The following HEXB variants were observed in gnomAD, a reference collection of about 807,000 sequenced individuals.
HEXB encodes the protein hexosaminidase subunit beta, also known as beta-hexosaminidase subunit beta.
Under a neutral mutation model 71.2 loss-of-function variants are expected in HEXB, and 51 were observed. The ratio of observed to expected loss-of-function variants is 0.72; its 90% CI spans 0.57 to 0.90. The LOEUF (loss-of-function observed/expected upper bound fraction) is 0.90. Ranked by LOEUF, HEXB falls within the 40% of genes least tolerant of loss-of-function variation. The probability of loss-of-function intolerance (pLI) is 0.00; values close to 1 mark genes in which losing one functional copy is unlikely to be tolerated. For missense variants in HEXB, 617 were observed against 677.0 expected (o/e 0.91, Z 0.98); for synonymous variants, 266 against 249.3 (o/e 1.07, Z -0.63).
chr5:74,700,208 A>G (rs887364742), intron 5 of HEXB, among the ~76,000 whole-genome samples: 2 of 151,200 alleles, frequency 1.3e-5, no homozygotes, highest in African/African-American at 4.9e-5. Context: ...GGGTTTTGCC[A>G]TGTTGCCCAG....
chr5:74,715,506 C>A lies in HEXB; in HGVS notation c.902-4C>A. On this transcript the variant is annotated splice_polypyrimidine_tract_variant and splice_region_variant and intron_variant, in intron 7 of 13. Coordinates refer to ENST00000261416, the MANE Select transcript of HEXB (RefSeq NM_000521.4). ...TTAAAAAGAATCTTAATATTTTCTT[C>A]TAGGTCAGAAAGACCTCCTGACTCC... 6.3e-7 allele frequency: 1 copy of A among 1,594,474 alleles called. No homozygotes were observed.
At chr5:74,705,812 G>A (rs1749373766) in intron 6 of HEXB, 1 of 175,908 alleles carries the variant, frequency 5.7e-6, no homozygotes, top group Non-Finnish European at 1.2e-5. Context: ...GATCTGGGAG[G>A]GACCCTCAGT....
At chr5:74,649,854 A>C (rs1748070724) in intron 1 of HEXB, among the ~76,000 whole-genome samples, 1 of 152,248 alleles carries the variant, frequency 6.6e-6, no homozygotes, top group African/African-American at 2.4e-5. Flanking sequence ...TGTCCTAATC[A>C]AATTGCTCTT....
At chr5:74,712,856 CTT>C (rs984441221) in intron 6 of HEXB, among the ~76,000 whole-genome samples, 2 of 152,042 alleles carry the variant, frequency 1.3e-5, no homozygotes, top group African/African-American at 4.8e-5. Context: ...CAGCTCACAA[CTT>C]TAGTTACAAA....
chr5:74,678,338 A>C (rs1198742375), intron 1 of HEXB, among the ~76,000 whole-genome samples: 1 of 140,226 alleles, frequency 7.1e-6, no homozygotes, highest in Non-Finnish European at 1.6e-5. Flanking sequence ...TAAATAAATA[A>C]ATACCATGCA....
At chr5:74,705,402 T>G in intron 6 of HEXB, 82 bp downstream of exon 6, 3 of 841,884 alleles carry the variant, frequency 3.6e-6, no homozygotes, top group Non-Finnish European at 6.2e-6. Context: ...TGTTTGTTCT[T>G]ATGGATAGAA....
intron 5 of HEXB, among the ~76,000 whole-genome samples, chr5:74,697,543 TG>T (rs1206176214): frequency 6.6e-6 from 1 of 152,114 alleles, no homozygotes; most frequent in African/African-American, 2.4e-5. Context: ...CTGGCCAACA[TG>T]GCCAAACCCC....
At chr5:74,705,527 G>A (rs1388674427) in intron 6 of HEXB, 3 of 552,836 alleles carry the variant, frequency 5.4e-6, no homozygotes, top group Middle Eastern at 4.9e-4. Context: ...AATTGTTACT[G>A]TGAATATAAA....
At chr5:74,669,453 G>A (rs1561207689) in intron 1 of HEXB, among the ~76,000 whole-genome samples, 1 of 151,876 alleles carries the variant, frequency 6.6e-6, no homozygotes, top group Non-Finnish European at 1.5e-5. Context: ...AATTTTGGGA[G>A]GACTGAGATA....
chr5:74,697,597 G>A lies in HEXB; in HGVS notation c.669+491G>A, dbSNP rs557588915. Among the ~76,000 whole-genome samples, 8 of 152,016 alleles carry A rather than the reference G, an allele frequency of 5.3e-5. No homozygotes were observed. In the South Asian group the frequency reaches 1.7e-3, roughly 32 times the overall value. ...AAAAATTAGCCAGGCGTGGTAGCGT[G>A]CGCCTGTAATCCCAGCTACTAGGGA... On this transcript the variant is annotated intron_variant, in intron 5 of 13. Coordinates refer to ENST00000261416, the MANE Select transcript of HEXB (RefSeq NM_000521.4).
At chr5:74,649,299 C>T (rs1748060357) in intron 1 of HEXB, among the ~76,000 whole-genome samples, 1 of 152,210 alleles carries the variant, frequency 6.6e-6, no homozygotes, top group Non-Finnish European at 1.5e-5. Context: ...ACTGCCCCCT[C>T]TGTGCACAAT....
In HEXB at chr5:74,697,069, G is replaced by C. The variant is rs761538803; in HGVS notation, c.632G>C (p.Arg211Thr). 25 of 1,550,238 alleles carry C rather than the reference G, an allele frequency of 1.6e-5. No homozygotes were observed. The highest frequency in any genetic ancestry group is 2.0e-5 in the Non-Finnish European group (22 of 1,122,660). Reference sequence around the variant, plus strand: ...AGAGGAATTTTGATTGATACATCCAGACATTATCTGCCAGTTAAGATTATT... The same window carrying C: ...AGAGGAATTTTGATTGATACATCCACACATTATCTGCCAGTTAAGATTATT... The part of the protein sequence containing the change: ...SHRGILIDTS[R>T]HYLPVKIILK... Residue 211 changes from arginine (R) to threonine (T), a missense_variant, in exon 5 of 14, where the codon AGA becomes ACA. Transcript: ENST00000261416.
intron 11 of HEXB, 32 bp from the exon 12 acceptor site, chr5:74,720,396 C>A (rs748239524): frequency 2.1e-6 from 3 of 1,437,350 alleles, no homozygotes; most frequent in East Asian, 4.5e-5. Context: ...AAGCTTTGAA[C>A]TTCTGAACTT....
At chr5:74,643,346 AT>A (rs1280960139) in intron 1 of HEXB, among the ~76,000 whole-genome samples, 4 of 152,250 alleles carry the variant, frequency 2.6e-5, no homozygotes, top group African/African-American at 9.6e-5. Flanking sequence ...GCAAGTCTTC[AT>A]TTTGTACAGG....
chr5:74,663,041 T>C (rs1748356617), intron 1 of HEXB, among the ~76,000 whole-genome samples: 1 of 152,244 alleles, frequency 6.6e-6, no homozygotes, highest in Admixed American at 6.5e-5. Flanking sequence ...AAATAAGTAC[T>C]TTTTAAAGTA....
rs1488246899 is a variant in HEXB at position 74,689,370 on chromosome 5, A to G, written c.342A>G (p.Glu114=). The G allele has an allele frequency of 6.2e-7, 1 of 1,612,738 alleles. No individual in the cohort carries two copies. Among genetic ancestry groups the G allele is most frequent in the African/African-American group, 1.3e-5 (1 of 74,910 alleles). The stretch of plus-strand genomic sequence containing the variant: ...TTGGTTTCTACAAGTGGCATCATGA[A>G]CCTGCTGAATTCCAGGCTAAAACCC... ...YIFGFYKWHH[E]PAEFQAKTQV... The change falls in exon 2 of 14, where the codon GAA becomes GAG. Residue 114 remains glutamate, a synonymous_variant. Transcript: ENST00000261416.
rs1749648999 is a variant in HEXB at position 74,715,550 on chromosome 5, C to T, written c.942C>T (p.Asn314=). The part of the protein sequence containing the change: ...DLLTPCYSRQ[N]KLDSFGPINP... Reference sequence around the variant, plus strand: ...TGACTCCATGTTACAGTAGACAAAACAAGTTGGACTCTTTTGGACCTATAA... The same window carrying T: ...TGACTCCATGTTACAGTAGACAAAATAAGTTGGACTCTTTTGGACCTATAA... The change falls in exon 8 of 14, where the codon AAC becomes AAT. Residue 314 remains asparagine (N), a synonymous_variant. Transcript: ENST00000261416. 3 of 1,612,216 alleles carry T rather than the reference C, an allele frequency of 1.9e-6. No individual in the cohort carries two copies. The highest frequency in any genetic ancestry group is 2.5e-6 in the Non-Finnish European group (3 of 1,178,354).
chr5:74,713,411 A>C, intron 6 of HEXB, 95 bp from the exon 7 acceptor site: 1 of 1,164,248 alleles, frequency 8.6e-7, no homozygotes, highest in Admixed American at 1.7e-5. Flanking sequence ...TGAAAAAATT[A>C]GCTGTCAAAT....
chr5:74,685,877 C>T (rs1748859507), intron 1 of HEXB, among the ~76,000 whole-genome samples: 1 of 152,112 alleles, frequency 6.6e-6, no homozygotes, highest in Admixed American at 6.5e-5. Context: ...AGGAAAGTGA[C>T]AGCTCCTTAT....
Sources: gnomAD v4.1 joint callset for allele counts (sites outside exome capture counted in the v4.1 genomes callset) on GRCh38, gnomAD v4.1.1 for gene constraint, MANE v1.5 for transcripts, NCBI Gene and HGNC (gene_info 2026-07-23, HGNC 2026-07-21) for gene names.